DSG1: variants seen among roughly 807,000 people sequenced by gnomAD.
DSG1 encodes the protein desmoglein 1.
A neutral mutation model predicts 97.5 loss-of-function variants in DSG1; 39 were observed. The ratio of observed to expected loss-of-function variants is 0.40; its 90% CI spans 0.31 to 0.52. The LOEUF is 0.52. Ranked by LOEUF, DSG1 falls within the 20% of genes least tolerant of loss-of-function variation. The probability of loss-of-function intolerance (pLI) is 0.53; values close to 1 mark genes in which losing one functional copy is unlikely to be tolerated. For missense variants in DSG1, 1,311 were observed against 1,295.4 expected, an observed-to-expected ratio of 1.01 and a Z score of -0.18; for synonymous variants, 475 against 443.4, an observed-to-expected ratio of 1.07 and a Z score of -0.90.
intron 1 of DSG1, among the ~76,000 whole-genome samples, chr18:31,320,748 A>G (rs984355572): frequency 6.6e-6 from 1 of 152,198 alleles, no homozygotes; most frequent in East Asian, 1.9e-4. Context: ...TATTTTCTCT[A>G]GGCCTGAGAA....
In DSG1 at chr18:31,355,400, C is replaced by A; in HGVS notation, c.*54C>A. 1.3e-6 allele frequency: 2 copies of A among 1,563,212 alleles called. No homozygotes were observed. The highest frequency in any genetic ancestry group is 1.8e-6 in the Non-Finnish European group (2 of 1,138,466). On this transcript the variant is annotated 3_prime_UTR_variant, in exon 15 of 15. Coordinates refer to ENST00000257192, the MANE Select transcript of DSG1 (RefSeq NM_001942.4). ...CATTGTGGTTTAGATCCAATTCCCACCACTAAAAAACCAACAATGTGATTT... is the reference window on the plus strand; with the variant it reads ...CATTGTGGTTTAGATCCAATTCCCAACACTAAAAAACCAACAATGTGATTT...
intron 1 of DSG1, among the ~76,000 whole-genome samples, chr18:31,325,423 G>A (rs1270885510): frequency 6.6e-6 from 1 of 152,136 alleles, no homozygotes; most frequent in African/African-American, 2.4e-5. Context: ...CACAAATAAG[G>A]TATGCCCATC....
chr18:31,319,585 A>G (rs1234399806), intron 1 of DSG1, among the ~76,000 whole-genome samples: 1 of 152,160 alleles, frequency 6.6e-6, no homozygotes, highest in Non-Finnish European at 1.5e-5. Flanking sequence ...ATCACTGATC[A>G]TTATACAGTA....
chr18:31,343,739 T>A, intron 12 of DSG1, 156 bp downstream of exon 12: 1 of 1,249,276 alleles, frequency 8.0e-7, no homozygotes, highest in Non-Finnish European at 1.2e-6. Context: ...CACAACAAAA[T>A]TAGATGGAAG....
At chr18:31,342,898 ATTT>A (rs57090132) in intron 11 of DSG1, among the ~76,000 whole-genome samples, 24 of 82,776 alleles carry the variant, frequency 2.9e-4, no homozygotes, top group South Asian at 4.6e-4. Flanking sequence ...ACTATCTGTG[ATTT>A]TTTTTTTTTT....
chr18:31,320,512 T>A (rs993074331), intron 1 of DSG1, among the ~76,000 whole-genome samples: 1 of 152,206 alleles, frequency 6.6e-6, no homozygotes, highest in Non-Finnish European at 1.5e-5. Context: ...CTTGTTCAAA[T>A]GAGTGGGTTG....
intron 13 of DSG1, chr18:31,345,423 T>C (rs1449506959): frequency 6.5e-6 from 1 of 154,158 alleles, no homozygotes; most frequent in African/African-American, 2.4e-5. Flanking sequence ...CCTAATGTTC[T>C]CTATATAGTT....
chr18:31,329,796 A>C, intron 4 of DSG1, 96 bp from the exon 5 acceptor site: 1 of 1,446,742 alleles, frequency 6.9e-7, no homozygotes, highest in Non-Finnish European at 9.6e-7. Flanking sequence ...AGACATAATA[A>C]TTCTTTTAAT....
Position 31,338,363 on chromosome 18 carries a change from A to T in DSG1, c.1314A>T (p.Arg438Ser). The T allele has an allele frequency of 1.2e-6, 2 of 1,613,918 alleles. No individual in the cohort carries two copies. Among genetic ancestry groups the T allele is most frequent in the Non-Finnish European group, 1.7e-6 (2 of 1,179,848 alleles). The change falls in exon 10 of 15, where the codon AGA becomes AGT. Residue 438 changes from arginine (R) to serine (S), a missense_variant. Transcript: ENST00000257192. ...CTGACCTGCTAGCTGTTGATTCAAG[A>T]ACAGGCAAACTCACTTTGAAAAATA... ...NPADLLAVDS[R>S]TGKLTLKNKV...
intron 5 of DSG1, among the ~76,000 whole-genome samples, chr18:31,330,268 A>T (rs910271726): frequency 1.3e-5 from 2 of 152,144 alleles, no homozygotes; most frequent in Admixed American, 6.6e-5. Flanking sequence ...GCCCTGTAGA[A>T]GAGTCCTAAC....
intron 9 of DSG1, among the ~76,000 whole-genome samples, chr18:31,337,957 A>G (rs9946032): frequency 0.032 from 4,931 of 152,272 alleles, 295 homozygotes; most frequent in African/African-American, 0.11. Flanking sequence ...GTTTAGAATT[A>G]GGAGCAGCCT....
chr18:31,355,171 G>A lies in DSG1; in HGVS notation c.2975G>A (p.Ser992Asn), dbSNP rs2071944818. The change falls in exon 15 of 15, where the codon AGT becomes AAT. Residue 992 changes from serine to asparagine, a missense_variant. Ser to Asn is a conservative substitution (Grantham distance 46). This residue lies in a region of DSG1 where 1,038 missense variants were observed against 964.6 expected (regional missense o/e 1.08). Transcript: ENST00000257192. ...ATGGGTGCTGGGAGCGGTGCCCTGAGTGGAGCTGGCATAAGTGGTGGTGGC... is the reference window on the plus strand; with the variant it reads ...ATGGGTGCTGGGAGCGGTGCCCTGAATGGAGCTGGCATAAGTGGTGGTGGC... ...TSMGAGSGAL[S>N]GAGISGGGIG... 1.9e-6 allele frequency: 3 copies of A among 1,605,908 alleles called. No individual in the cohort carries two copies. Among genetic ancestry groups the A allele is most frequent in the Non-Finnish European group, 2.6e-6 (3 of 1,175,020 alleles).
Position 31,355,028 on chromosome 18 carries a change from C to T in DSG1, c.2832C>T (p.Ala944=). The change falls in exon 15 of 15, where the codon GCC becomes GCT. Residue 944 remains alanine, a synonymous_variant. Transcript: ENST00000257192. ...IGSLSMHPEL[A]NAHNVIVTER... is the part of the protein sequence containing the mutation. ...GTCTGAGTATGCACCCCGAGTTAGC[C>T]AATGCCCACAATGTCATTGTGACAG... 6.2e-7 allele frequency: 1 copy of T among 1,614,212 alleles called. No individual in the cohort carries two copies. Among genetic ancestry groups the T allele is most frequent in the Non-Finnish European group, 8.5e-7 (1 of 1,180,042 alleles).
intron 1 of DSG1, among the ~76,000 whole-genome samples, chr18:31,319,867 T>C (rs1421367081): frequency 6.6e-6 from 1 of 151,798 alleles, no homozygotes. Flanking sequence ...ATCATATATC[T>C]TTATTGAACT....
Position 31,346,150 on chromosome 18 carries a change from T to C in DSG1, c.2052T>C (p.Cys684=), listed in dbSNP as rs1261902152. The C allele has an allele frequency of 3.7e-6, 6 of 1,613,782 alleles. No homozygotes were observed. The South Asian group carries it at 6.6e-5, about 18-fold the overall frequency. Residue 684 remains cysteine (C), a synonymous_variant, in exon 14 of 15, where the codon TGT becomes TGC. Coordinates refer to ENST00000257192, the MANE Select transcript of DSG1 (RefSeq NM_001942.4). The part of the protein sequence containing the change: ...GTLRRNSMRE[C]REGGLNMNFM... The stretch of plus-strand genomic sequence containing the variant: ...TAAGAAGAAATTCTATGAGGGAATG[T>C]AGAGAAGGAGGTCTGAATATGAATT...
chr18:31,354,831 G>A lies in DSG1; in HGVS notation c.2635G>A (p.Gly879Arg), dbSNP rs2071939498. The change falls in exon 15 of 15, where the codon GGA becomes AGA. Residue 879 changes from glycine (G) to arginine (R), a missense_variant. By Grantham distance (125) the Gly-to-Arg change is moderately radical. Transcript: ENST00000257192. ...VGPISGADLH[G>R]MLEMPDLRDG... ...CCCAATCTCTGGCGCTGATTTGCATGGAATGTTAGAGATGCCTGACTTGCG... is the reference window on the plus strand; with the variant it reads ...CCCAATCTCTGGCGCTGATTTGCATAGAATGTTAGAGATGCCTGACTTGCG... The A allele has an allele frequency of 6.2e-7, 1 of 1,614,104 alleles. No individual in the cohort carries two copies. Among genetic ancestry groups the A allele is most frequent in the Non-Finnish European group, 8.5e-7 (1 of 1,180,016 alleles).
chr18:31,334,184 A>G lies in DSG1; in HGVS notation c.987A>G (p.Gly329=). The change falls in exon 8 of 15, where the codon GGA becomes GGG. Residue 329 remains glycine, a synonymous_variant. Transcript: ENST00000257192. ...EIEMNERTNV[G]ILKVVKPLDY... ...AAATGAATGAAAGAACAAATGTGGG[A>G]ATTTTAAAGGTTGTTAAGGTATGGT... 6.2e-7 allele frequency: 1 copy of G among 1,601,764 alleles called. No individual in the cohort carries two copies. Among genetic ancestry groups the G allele is most frequent in the Non-Finnish European group, 8.6e-7 (1 of 1,169,426 alleles).
intron 7 of DSG1, 23 bp from the exon 8 acceptor site, chr18:31,333,994 A>C (rs1242401867): frequency 9.7e-6 from 15 of 1,541,184 alleles, no homozygotes; most frequent in Non-Finnish European, 1.3e-5. Context: ...GTTTGTGCTA[A>C]GAGTTTTCAC....
intron 1 of DSG1, 33 bp downstream of exon 1, chr18:31,318,381 C>T (rs772304281): frequency 3.2e-5 from 50 of 1,581,982 alleles, no homozygotes; most frequent in Non-Finnish European, 4.2e-5. Flanking sequence ...CCTTCATAAT[C>T]GTGCCCATTG....
Sources: allele counts gnomAD v4.1 joint callset (sites outside exome capture counted in the v4.1 genomes callset), GRCh38; gene constraint gnomAD v4.1.1; regional missense constraint gnomAD v4.1.1; transcripts MANE v1.5; gene names NCBI Gene and HGNC (gene_info 2026-07-23, HGNC 2026-07-21).